The following SKAP1 variants were observed in gnomAD, a reference collection of about 807,000 sequenced individuals.
SKAP1 encodes the protein src kinase associated phosphoprotein 1.
SKAP1 carries 44 observed loss-of-function variants against 58.5 expected under a neutral mutation model. The ratio of observed to expected loss-of-function variants is 0.75; its 90% CI spans 0.59 to 0.97. The LOEUF (loss-of-function observed/expected upper bound fraction) is 0.97. SKAP1 is among the 50% of genes least tolerant of loss of function. SKAP1 has a pLI of 0.00. For synonymous variants in SKAP1, 127 were observed against 149.7 expected (o/e 0.85, Z 1.11); for missense variants, 390 against 435.2 (o/e 0.90, Z 0.92).
intron 2 of SKAP1, among the ~76,000 whole-genome samples, chr17:48,392,815 G>A (rs1461071762): frequency 1.3e-5 from 2 of 151,216 alleles, no homozygotes; most frequent in African/African-American, 2.4e-5. Context: ...AACCAAGATC[G>A]CACCACTGCA....
chr17:48,282,813 C>T (rs1228537671), intron 4 of SKAP1, among the ~76,000 whole-genome samples: 1 of 150,732 alleles, frequency 6.6e-6, no homozygotes, highest in Non-Finnish European at 1.5e-5. Context: ...AGAAACTGCC[C>T]TTTTTTTTTG....
chr17:48,185,001 G>A, intron 6 of SKAP1, 154 bp from the exon 7 acceptor site: 2 of 678,788 alleles, frequency 2.9e-6, no homozygotes, highest in South Asian at 4.4e-5. Context: ...AGCTTAAGAA[G>A]AGGCTACTGC....
At chr17:48,362,875 A>T (rs2066953553) in intron 3 of SKAP1, among the ~76,000 whole-genome samples, 1 of 152,216 alleles carries the variant, frequency 6.6e-6, no homozygotes, top group Admixed American at 6.5e-5. Flanking sequence ...GTACTTAAAA[A>T]GTTTACAATT....
At chr17:48,431,720 A>G (rs561001134), upstream of SKAP1, among the ~76,000 whole-genome samples, 28 of 152,318 alleles carry the variant, frequency 1.8e-4, no homozygotes, top group Admixed American at 1.2e-3. Context: ...AAAAAATGGC[A>G]TTTCTATTCT....
intron 4 of SKAP1, among the ~76,000 whole-genome samples, chr17:48,271,273 T>C (rs573319059): frequency 1.3e-5 from 2 of 151,178 alleles, no homozygotes; most frequent in Admixed American, 6.6e-5. Context: ...AATTGGAAAC[T>C]ATATATATAT....
intron 11 of SKAP1, among the ~76,000 whole-genome samples, chr17:48,155,105 CATGATGATGATGATG>C (rs1201674639): frequency 6.6e-6 from 1 of 150,524 alleles, no homozygotes; most frequent in Non-Finnish European, 1.5e-5. Flanking sequence ...GTGGAACAAG[CATGATGATGATGATG>C]ATGATGATGA....
chr17:48,308,741 C>T (rs1378985965), intron 4 of SKAP1: 2 of 152,074 alleles, frequency 1.3e-5, no homozygotes, highest in Non-Finnish European at 2.9e-5. Flanking sequence ...AACCTTTGGG[C>T]AAGTTTCGTT....
intron 4 of SKAP1, among the ~76,000 whole-genome samples, chr17:48,216,853 G>A (rs2064946729): frequency 6.6e-6 from 1 of 152,136 alleles, no homozygotes; most frequent in African/African-American, 2.4e-5. Context: ...TAGAATGCAT[G>A]TTCTTTCATG....
At chr17:48,264,558 A>G (rs2065520679) in intron 4 of SKAP1, among the ~76,000 whole-genome samples, 1 of 152,210 alleles carries the variant, frequency 6.6e-6, no homozygotes, top group Non-Finnish European at 1.5e-5. Flanking sequence ...AATCCAAGGC[A>G]AAACTGAAAA....
intron 2 of SKAP1, among the ~76,000 whole-genome samples, chr17:48,364,033 G>A (rs562879512): frequency 1.3e-5 from 2 of 152,278 alleles, no homozygotes; most frequent in Non-Finnish European, 2.9e-5. Flanking sequence ...AATTCCTCAC[G>A]TAATTTTGAC....
intron 4 of SKAP1, among the ~76,000 whole-genome samples, chr17:48,288,454 C>T (rs1459185372): frequency 6.6e-6 from 1 of 152,092 alleles, no homozygotes; most frequent in African/African-American, 2.4e-5. Flanking sequence ...GGGAGGCCAA[C>T]GTGGGTGGAT....
rs529370535 is a variant in SKAP1 at position 48,275,894 on chromosome 17, G to A, written c.280+70011C>T. ...GTTGGACCCTAGTAACACAAGAGGT[G>A]GGTGAAGAAGGATTTGATAGTGGAA... On this transcript the variant is annotated intron_variant, in intron 4 of 12. Coordinates refer to ENST00000336915, the MANE Select transcript of SKAP1 (RefSeq NM_003726.4). Among the ~76,000 whole-genome samples the A allele has an allele frequency of 9.2e-5, 14 of 152,240 alleles. No individual in the cohort carries two copies. The South Asian group carries it at 2.9e-3, about 32-fold the overall frequency.
intron 1 of SKAP1, among the ~76,000 whole-genome samples, chr17:48,409,798 T>C (rs901325698): frequency 6.6e-6 from 1 of 152,128 alleles, no homozygotes; most frequent in Non-Finnish European, 1.5e-5. Flanking sequence ...CATACTATAA[T>C]GGCAGATACA....
the SKAP1 span, among the ~76,000 whole-genome samples, chr17:48,441,717 T>C: frequency 6.6e-6 from 1 of 152,020 alleles, no homozygotes; most frequent in South Asian, 2.1e-4. Context: ...AATCACAAGA[T>C]CAAAGAACAG....
At chr17:48,345,517 A>T (rs1249157626) in intron 4 of SKAP1, among the ~76,000 whole-genome samples, 1 of 152,166 alleles carries the variant, frequency 6.6e-6, no homozygotes, top group Non-Finnish European at 1.5e-5. Context: ...AAAATTAATA[A>T]TCCAACAATC....
chr17:48,225,451 T>C (rs559860716), intron 4 of SKAP1, among the ~76,000 whole-genome samples: 1 of 152,204 alleles, frequency 6.6e-6, no homozygotes, highest in Admixed American at 6.5e-5. Context: ...CGTATGGTGA[T>C]GCTTGAAATA....
intron 10 of SKAP1, among the ~76,000 whole-genome samples, chr17:48,169,870 C>G (rs917545978): frequency 1.3e-5 from 2 of 152,146 alleles, no homozygotes; most frequent in African/African-American, 4.8e-5. Context: ...CAGCCAGTAT[C>G]TAAATCAGTC....
At chr17:48,311,584 G>A (rs1487587500) in intron 4 of SKAP1, among the ~76,000 whole-genome samples, 3 of 152,144 alleles carry the variant, frequency 2.0e-5, no homozygotes. Context: ...TCATGGCAGT[G>A]CTATTCCTTG....
At chr17:48,421,363 C>T (rs949872281) in intron 1 of SKAP1, among the ~76,000 whole-genome samples, 3 of 148,074 alleles carry the variant, frequency 2.0e-5, no homozygotes, top group Admixed American at 6.8e-5. Context: ...TGCAACGGCA[C>T]GAGGCGGGAG....
Sources: allele counts gnomAD v4.1 joint callset (sites outside exome capture counted in the v4.1 genomes callset), GRCh38; gene constraint gnomAD v4.1.1; transcripts MANE v1.5; gene names NCBI Gene and HGNC (gene_info 2026-07-23, HGNC 2026-07-21).